The following LYN variants were observed in gnomAD, a reference collection of about 807,000 sequenced individuals.
The protein encoded by LYN is LYN proto-oncogene, Src family tyrosine kinase.
A neutral mutation model predicts 65.0 loss-of-function variants in LYN; 12 were observed. The observed-to-expected ratio is 0.18, with a 90% CI of 0.12 to 0.30. LYN has a LOEUF of 0.30. Among genes scored for constraint, LYN ranks in the 10% least tolerant of loss-of-function variants. The pLI is 1.00. For synonymous variants in LYN, 222 were observed against 221.2 expected (o/e 1.00, Z -0.03); for missense variants, 380 against 623.2 (o/e 0.61, Z 4.16).
chr8:56,007,670 G>A (rs190421392), intron 12 of LYN, among the ~76,000 whole-genome samples: 2 of 152,304 alleles, frequency 1.3e-5, no homozygotes, highest in East Asian at 3.9e-4. Context: ...TAAAGGCAGA[G>A]GATCTCAAAG....
chr8:55,901,641 AT>A (rs563735471), intron 1 of LYN, among the ~76,000 whole-genome samples: 5 of 152,038 alleles, frequency 3.3e-5, no homozygotes, highest in Non-Finnish European at 7.4e-5. Flanking sequence ...CTGCATGAAT[AT>A]TTTCAGTGCT....
intron 1 of LYN, among the ~76,000 whole-genome samples, chr8:55,891,639 G>T (rs1055684043): frequency 6.6e-6 from 1 of 152,084 alleles, no homozygotes; most frequent in African/African-American, 2.4e-5. Context: ...ACAAGAATAT[G>T]AATGTACTTA....
chr8:55,908,330 T>C (rs6474031), intron 1 of LYN, among the ~76,000 whole-genome samples: 104,499 of 151,388 alleles, frequency 0.69, 36,202 homozygotes, highest in East Asian at 0.95. Context: ...CTGCAACCTC[T>C]GCCTCCCAGG....
chr8:55,976,901 T>G (rs1422936684), intron 10 of LYN, among the ~76,000 whole-genome samples: 5 of 151,964 alleles, frequency 3.3e-5, no homozygotes, highest in Non-Finnish European at 7.4e-5. Context: ...TTAAGGAAAC[T>G]AGGCCGAGCA....
At chr8:55,957,415 A>G (rs1807153263) in intron 8 of LYN, among the ~76,000 whole-genome samples, 1 of 152,228 alleles carries the variant, frequency 6.6e-6, no homozygotes, top group African/African-American at 2.4e-5. Flanking sequence ...CGTGTCTGTC[A>G]TGAAAAGAAA....
chr8:55,919,560 T>C (rs1805884320), intron 1 of LYN, among the ~76,000 whole-genome samples: 1 of 152,168 alleles, frequency 6.6e-6, no homozygotes, highest in Admixed American at 6.5e-5. Context: ...ATAATCCTTT[T>C]GGTCTTAACT....
chr8:55,998,645 G>A, intron 11 of LYN, 146 bp downstream of exon 11: 1 of 683,818 alleles, frequency 1.5e-6, no homozygotes, highest in Non-Finnish European at 2.4e-6. Flanking sequence ...GTCTGCTTAT[G>A]GTTCTATTCT....
At chr8:55,980,978 G>A (rs1215593049) in intron 10 of LYN, among the ~76,000 whole-genome samples, 4 of 152,172 alleles carry the variant, frequency 2.6e-5, no homozygotes, top group East Asian at 1.9e-4. Flanking sequence ...TGCTGTTCTC[G>A]GTCTCTGTGA....
Position 56,010,173 on chromosome 8 carries a change from A to G in LYN, c.*63A>G, listed in dbSNP as rs1019130331. On this transcript the variant is annotated 3_prime_UTR_variant, in exon 13 of 13. Coordinates refer to ENST00000519728, the MANE Select transcript of LYN (RefSeq NM_002350.4). ...CCTCATTTAGAGAGGAAAAGTAACC[A>G]TCACTGGTTGCACTTATGATTTCAT... is the stretch of plus-strand genomic sequence containing the variant. 10 of 1,525,958 alleles carry G rather than the reference A, an allele frequency of 6.6e-6. 1 individual carries two copies. Among genetic ancestry groups the G allele is most frequent in the Non-Finnish European group, 9.1e-6 (10 of 1,103,570 alleles). The allele number at this position is 1,525,958 out of a possible 1,614,324, so 94.5% of individuals were successfully genotyped here.
chr8:55,916,189 TA>T (rs577465634), intron 1 of LYN, among the ~76,000 whole-genome samples: 156 of 151,998 alleles, frequency 1.0e-3, no homozygotes, highest in African/African-American at 3.7e-3. Context: ...GATCATTGGC[TA>T]AAAAAAATGG....
chr8:55,961,954 A>T (rs1807292155), intron 8 of LYN, among the ~76,000 whole-genome samples: 1 of 152,106 alleles, frequency 6.6e-6, no homozygotes, highest in Non-Finnish European at 1.5e-5. Flanking sequence ...CTTCTTCTTA[A>T]TTTTGCCACT....
chr8:55,896,983 G>A (rs540555218), intron 1 of LYN, among the ~76,000 whole-genome samples: 4 of 152,260 alleles, frequency 2.6e-5, no homozygotes, highest in South Asian at 2.1e-4. Context: ...TAGGTGATCC[G>A]CCTGCCTTGG....
intron 1 of LYN, among the ~76,000 whole-genome samples, chr8:55,900,360 T>C (rs1805225451): frequency 1.3e-5 from 2 of 152,118 alleles, no homozygotes; most frequent in Non-Finnish European, 2.9e-5. Flanking sequence ...GGAAAAATAA[T>C]CTTCCTCTTT....
At chr8:55,987,565 C>A (rs746383982) in intron 10 of LYN, among the ~76,000 whole-genome samples, 1 of 152,076 alleles carries the variant, frequency 6.6e-6, no homozygotes, top group African/African-American at 2.4e-5. Flanking sequence ...TATGGGTGCC[C>A]GCCACCACAC....
chr8:55,931,096 T>TTA (rs1374392018), intron 1 of LYN, among the ~76,000 whole-genome samples: 2 of 147,804 alleles, frequency 1.4e-5, no homozygotes, highest in East Asian at 1.9e-4. Context: ...TATATATAAG[T>TTA]TATATATATA....
rs56923750 is a variant in LYN, at chr8:55,909,993, CTT to C, written c.-6+29906_-6+29907del. 3.6e-5 allele frequency among the ~76,000 whole-genome samples: 5 copies of C among 138,072 alleles called. No individual in the cohort carries two copies. The South Asian group carries it at 6.7e-4, about 19-fold the overall frequency. The allele number at this position is 138,072 out of a possible 152,430, so 90.6% of individuals were successfully genotyped here. On this transcript the variant is annotated intron_variant, in intron 1 of 12. Coordinates refer to ENST00000519728, the MANE Select transcript of LYN (RefSeq NM_002350.4). ...GTTGTTTGTGTGTGTGTGTGTGTGT[CTT>C]TTTTTTTTTTTTTTTGAGTTGTTTG...
chr8:55,992,293 T>C (rs2719252), intron 10 of LYN, among the ~76,000 whole-genome samples: 40,250 of 152,032 alleles, frequency 0.26, 5,788 homozygotes, highest in African/African-American at 0.35. Context: ...GGCCCAGAGC[T>C]GTGATAGAGA....
chr8:55,926,026 C>A (rs959938563), intron 1 of LYN, among the ~76,000 whole-genome samples: 1 of 152,066 alleles, frequency 6.6e-6, no homozygotes, highest in Non-Finnish European at 1.5e-5. Context: ...AAATTATAAG[C>A]ATTTTTTATT....
intron 1 of LYN, among the ~76,000 whole-genome samples, chr8:55,906,420 C>T (rs1805421011): frequency 1.3e-5 from 2 of 151,930 alleles, no homozygotes; most frequent in South Asian, 2.1e-4. Flanking sequence ...CCAGCAATGG[C>T]GTGATTTCGG....
Sources: gnomAD v4.1 joint callset for allele counts (sites outside exome capture counted in the v4.1 genomes callset) on GRCh38, gnomAD v4.1.1 for gene constraint, MANE v1.5 for transcripts, NCBI Gene and HGNC (gene_info 2026-07-23, HGNC 2026-07-21) for gene names.